The following RASAL2 variants were observed in gnomAD, a reference collection of about 807,000 sequenced individuals.
RASAL2 encodes RAS protein activator like 2.
A neutral mutation model predicts 128.9 loss-of-function variants in RASAL2; 58 were observed. The ratio of observed to expected loss-of-function variants is 0.45; its 90% CI spans 0.36 to 0.56. The LOEUF (loss-of-function observed/expected upper bound fraction) is 0.56. Among genes scored for constraint, RASAL2 ranks in the 20% least tolerant of loss-of-function variants. The probability of loss-of-function intolerance (pLI) is 0.00; values close to 1 mark genes in which losing one functional copy is unlikely to be tolerated. For missense variants in RASAL2, 1,360 were observed against 1,601.6 expected, an observed-to-expected ratio of 0.85 and a Z score of 2.57; for synonymous variants, 561 against 580.8, an observed-to-expected ratio of 0.97 and a Z score of 0.49.
At position 178,475,683 on chromosome 1, in the gene RASAL2, A is replaced by T. The variant is rs1477265817; in HGVS notation, c.*2444A>T. ...AAAAAATCAAATGTGCTTTTGATGG[A>T]TAGAGTGTATCTTATTAGCATTATG... is the stretch of plus-strand genomic sequence containing the variant. On this transcript the variant is annotated 3_prime_UTR_variant, in exon 18 of 18. Coordinates refer to ENST00000367649, the MANE Select transcript of RASAL2 (RefSeq NM_170692.4). 1 of 152,208 alleles carries T rather than the reference A, an allele frequency of 6.6e-6. No individual in the cohort carries two copies. Among genetic ancestry groups the T allele is most frequent in the African/African-American group, 2.4e-5 (1 of 41,454 alleles). The allele number at this position is 152,208 out of a possible 1,614,324, so 9.4% of individuals were successfully genotyped here. A position where few individuals can be genotyped will look rare whatever the true frequency, so the allele number is the denominator to read the frequency against.
intron 1 of RASAL2, among the ~76,000 whole-genome samples, chr1:178,136,616 G>A (rs1660332252): frequency 6.6e-6 from 1 of 151,710 alleles, no homozygotes; most frequent in African/African-American, 2.4e-5. Context: ...AATTACCGGG[G>A]CGTGGTGGCG....
chr1:178,293,101 A>G (rs1467719199), intron 2 of RASAL2, among the ~76,000 whole-genome samples: 1 of 152,354 alleles, frequency 6.6e-6, no homozygotes, highest in Admixed American at 6.5e-5. Flanking sequence ...TTCAATAGAT[A>G]TATAATATGC....
intron 1 of RASAL2, among the ~76,000 whole-genome samples, chr1:178,231,596 A>T (rs1369379971): frequency 1.3e-5 from 2 of 152,004 alleles, no homozygotes; most frequent in Non-Finnish European, 2.9e-5. Flanking sequence ...GTCCTAAGAA[A>T]TCTTTGCCTA....
intron 3 of RASAL2, among the ~76,000 whole-genome samples, chr1:178,310,853 A>G (rs976312205): frequency 6.6e-6 from 1 of 152,150 alleles, no homozygotes; most frequent in Non-Finnish European, 1.5e-5. Context: ...TTCTTCAATA[A>G]AGGACTCCCT....
intron 3 of RASAL2, among the ~76,000 whole-genome samples, chr1:178,319,143 G>A (rs1292899475): frequency 6.6e-6 from 1 of 152,128 alleles, no homozygotes; most frequent in African/African-American, 2.4e-5. Flanking sequence ...CTGGCTTGTA[G>A]GATTTCTGCC....
Position 178,457,906 on chromosome 1 carries a change from A to G in RASAL2, c.2614A>G (p.Ile872Val), listed in dbSNP as rs199598452. 3.8e-5 allele frequency: 61 copies of G among 1,614,006 alleles called. No homozygotes were observed. The highest frequency in any genetic ancestry group is 4.4e-5 in the Non-Finnish European group (52 of 1,180,030). The part of the protein sequence containing the change: ...EHASVMLDVP[I>V]RLTGSQLSIT... ...TGCATCTGTCATGCTTGATGTGCCTATACGCTTGACCGGAAGCCAGCTTTC... is the reference window on the plus strand; with the variant it reads ...TGCATCTGTCATGCTTGATGTGCCTGTACGCTTGACCGGAAGCCAGCTTTC... The change falls in exon 14 of 18, where the codon ATA becomes GTA. Residue 872 changes from isoleucine (I) to valine (V), a missense_variant. Physicochemically the swap from Ile to Val is conservative, Grantham distance 29. This residue lies in a region of RASAL2 where 741 missense variants were observed against 868.6 expected (regional missense o/e 0.85). Transcript: ENST00000367649.
chr1:178,203,180 C>G (rs1404781164), intron 1 of RASAL2, among the ~76,000 whole-genome samples: 1 of 152,196 alleles, frequency 6.6e-6, no homozygotes, highest in African/African-American at 2.4e-5. Flanking sequence ...TATGTGGACT[C>G]AAGGAATGCC....
chr1:178,111,428 A>T (rs1659318951), intron 1 of RASAL2, among the ~76,000 whole-genome samples: 1 of 152,046 alleles, frequency 6.6e-6, no homozygotes, highest in South Asian at 2.1e-4. Flanking sequence ...ATTTTAAGAA[A>T]CTGCTGAATT....
At chr1:178,333,441 A>G (rs879437124) in intron 3 of RASAL2, among the ~76,000 whole-genome samples, 1 of 152,166 alleles carries the variant, frequency 6.6e-6, no homozygotes, top group Non-Finnish European at 1.5e-5. Flanking sequence ...TTTTGTCAAT[A>G]TGACATTTTA....
At chr1:178,178,207 C>A (rs759213279) in intron 1 of RASAL2, among the ~76,000 whole-genome samples, 5 of 152,122 alleles carry the variant, frequency 3.3e-5, no homozygotes, top group Non-Finnish European at 7.4e-5. Flanking sequence ...ATATGAGGGC[C>A]TAAGTGGGAA....
intron 1 of RASAL2, among the ~76,000 whole-genome samples, chr1:178,283,053 G>T (rs1666856208): frequency 6.6e-6 from 1 of 152,076 alleles, no homozygotes; most frequent in Admixed American, 6.6e-5. Context: ...AGATCTTGCT[G>T]GCCTCTAGTG....
intron 4 of RASAL2, among the ~76,000 whole-genome samples, chr1:178,390,547 T>G (rs1378200704): frequency 6.6e-6 from 1 of 151,878 alleles, no homozygotes; most frequent in Non-Finnish European, 1.5e-5. Flanking sequence ...CCTGGCTAAT[T>G]TTTGTATTTT....
chr1:178,126,995 T>C (rs1659926112), intron 1 of RASAL2, among the ~76,000 whole-genome samples: 1 of 152,178 alleles, frequency 6.6e-6, no homozygotes, highest in Admixed American at 6.6e-5. Flanking sequence ...ACTGTCTTTC[T>C]TTCTGAAATA....
chr1:178,181,070 GTC>G (rs1662092312), intron 1 of RASAL2, among the ~76,000 whole-genome samples: 1 of 151,822 alleles, frequency 6.6e-6, no homozygotes, highest in South Asian at 2.1e-4. Flanking sequence ...TTTGTAGCTT[GTC>G]TCTTTTTTCC....
At chr1:178,218,673 C>T (rs1663510990) in intron 1 of RASAL2, among the ~76,000 whole-genome samples, 1 of 152,112 alleles carries the variant, frequency 6.6e-6, no homozygotes, top group Non-Finnish European at 1.5e-5. Flanking sequence ...GCGACAAGAG[C>T]GAGACTCCGT....
At chr1:178,219,894 G>A (rs187113427) in intron 1 of RASAL2, among the ~76,000 whole-genome samples, 34 of 152,222 alleles carry the variant, frequency 2.2e-4, no homozygotes, top group Admixed American at 1.8e-3. Context: ...CAATGTTGGA[G>A]GTGAGGCCTA....
intron 1 of RASAL2, among the ~76,000 whole-genome samples, chr1:178,208,366 G>C (rs1023945988): frequency 4.6e-5 from 7 of 152,094 alleles, no homozygotes; most frequent in African/African-American, 9.7e-5. Flanking sequence ...TGCATTCCTT[G>C]GGGGAGGTCT....
At chr1:178,377,435 C>T (rs899510622) in intron 3 of RASAL2, among the ~76,000 whole-genome samples, 8 of 151,782 alleles carry the variant, frequency 5.3e-5, no homozygotes. Flanking sequence ...AAACAAAACT[C>T]GAAATCTAGA....
At position 178,457,048 on chromosome 1, in the gene RASAL2, C is replaced by A. The variant is rs1467909787; in HGVS notation, c.2390+149C>A. The stretch of plus-strand genomic sequence containing the variant: ...ACCTGAGAGCAGTCCAATTATTTGT[C>A]ATAATAATGCACAAGATCTGGGATG... On this transcript the variant is annotated intron_variant, in intron 13 of 17. Coordinates refer to ENST00000367649, the MANE Select transcript of RASAL2 (RefSeq NM_170692.4). The A allele has an allele frequency of 5.6e-5, 39 of 701,940 alleles. No homozygotes were observed. In the South Asian group the frequency reaches 7.6e-4, roughly 14 times the overall value. 43.5% of individuals were successfully genotyped at this position (701,940 alleles called of 1,614,324 possible).
Sources: allele counts gnomAD v4.1 joint callset (sites outside exome capture counted in the v4.1 genomes callset), GRCh38; gene constraint gnomAD v4.1.1; regional missense constraint gnomAD v4.1.1; transcripts MANE v1.5; gene names NCBI Gene and HGNC (gene_info 2026-07-23, HGNC 2026-07-21).